MICU2: variants seen among roughly 807,000 people sequenced by gnomAD.
The protein encoded by MICU2 is mitochondrial calcium uptake 2, also known as calcium uptake protein 2, mitochondrial.
A neutral mutation model predicts 60.4 loss-of-function variants in MICU2; 64 were observed. That is an observed-to-expected ratio of 1.06 (90% confidence interval 0.87 to 1.31). The LOEUF (loss-of-function observed/expected upper bound fraction) is 1.31. Ranked by LOEUF, MICU2 falls within the 50% of genes most tolerant of loss-of-function variation. The pLI, the probability that MICU2 is intolerant of heterozygous loss-of-function variation, is 0.00. For synonymous variants in MICU2, 201 were observed against 175.0 expected (o/e 1.15, Z -1.17); for missense variants, 569 against 531.0 (o/e 1.07, Z -0.70).
chr13:21,512,445 ATTTTTT>A (rs139822285), intron 7 of MICU2, among the ~76,000 whole-genome samples: 41 of 125,240 alleles, frequency 3.3e-4, no homozygotes, highest in Non-Finnish European at 5.5e-4. Flanking sequence ...CAAATTTTTA[ATTTTTT>A]TTTTTTTTTT....
intron 2 of MICU2, among the ~76,000 whole-genome samples, chr13:21,563,470 T>C (rs181904423): frequency 6.8e-6 from 1 of 146,242 alleles, no homozygotes; most frequent in Non-Finnish European, 1.5e-5. Context: ...AAAAAAAAAA[T>C]TCTGCAGTTT....
At chr13:21,534,910 A>T (rs1887095932) in intron 4 of MICU2, among the ~76,000 whole-genome samples, 1 of 152,180 alleles carries the variant, frequency 6.6e-6, no homozygotes, top group African/African-American at 2.4e-5. Context: ...GGTAGCTGAG[A>T]AGTGGAAGCT....
chr13:21,575,490 A>C (rs750759350), intron 1 of MICU2, among the ~76,000 whole-genome samples: 1 of 151,814 alleles, frequency 6.6e-6, no homozygotes, highest in Non-Finnish European at 1.5e-5. Flanking sequence ...TGGGAGGCCA[A>C]AGTGGGAGGA....
chr13:21,526,855 G>A (rs1886869921), intron 4 of MICU2, among the ~76,000 whole-genome samples: 1 of 152,042 alleles, frequency 6.6e-6, no homozygotes, highest in South Asian at 2.1e-4. Flanking sequence ...AGAATAAAGA[G>A]CTGCAGAGGG....
intron 6 of MICU2, chr13:21,515,649 G>A: frequency 1.1e-5 from 4 of 354,180 alleles, no homozygotes; most frequent in Non-Finnish European, 1.7e-5. Flanking sequence ...AAATCAATTA[G>A]GAGACAAACC....
In MICU2 at chr13:21,604,089, C is replaced by T; in HGVS notation, c.60G>A (p.Arg20=). 3 of 1,595,492 alleles carry T rather than the reference C, an allele frequency of 1.9e-6. No homozygotes were observed. In the South Asian group the frequency reaches 3.4e-5, roughly 18 times the overall value. The part of the protein sequence containing the change: ...RVAAWGGKLR[R]GLAVSRQAVR... ...CAGCCTGTCGGCTGACAGCGAGCCC[C>T]CGTCGCAGTTTTCCGCCCCAGGCCG... The change falls in exon 1 of 12, where the codon CGG becomes CGA. Residue 20 remains arginine (R), a synonymous_variant. Transcript: ENST00000382374.
At chr13:21,594,689 T>A (rs1555277438) in intron 1 of MICU2, among the ~76,000 whole-genome samples, 1 of 152,188 alleles carries the variant, frequency 6.6e-6, no homozygotes, top group Non-Finnish European at 1.5e-5. Flanking sequence ...CATACAATAC[T>A]ATGCAGCCAT....
intron 1 of MICU2, among the ~76,000 whole-genome samples, chr13:21,592,784 A>C (rs1888611255): frequency 6.6e-6 from 1 of 152,258 alleles, no homozygotes; most frequent in African/African-American, 2.4e-5. Flanking sequence ...ATCTCAATAG[A>C]TACAGAAAAG....
rs1887220397 is a variant in MICU2, at chr13:21,539,377, C to CA, written c.391-1_391insT (p.Asp131Ter). On this transcript the variant is annotated frameshift_variant and splice_region_variant. Transcript: ENST00000382374. LOFTEE classifies it high-confidence loss of function. ...ATCCCTGACAGTGTATCCTCGATGT[C>CA]CTTTGAATACACATATTAAAATTAA... The CA allele has an allele frequency of 1.9e-6, 3 of 1,612,006 alleles. No homozygotes were observed. The highest frequency in any genetic ancestry group is 2.5e-6 in the Non-Finnish European group (3 of 1,179,228).
At position 21,603,985 on chromosome 13, in the gene MICU2, C is replaced by T. The variant is rs147484231; in HGVS notation, c.164G>A (p.Arg55His). The T allele has an allele frequency of 9.9e-6, 16 of 1,612,042 alleles. No individual in the cohort carries two copies. In the South Asian group the frequency reaches 1.1e-4, roughly 11 times the overall value. Reference sequence around the variant, plus strand: ...GCCATCCCGCGCCGCAACACTGACGCGGCTGTGGTGCCAGGCCGCTCCTGC... The same window carrying T: ...GCCATCCCGCGCCGCAACACTGACGTGGCTGTGGTGCCAGGCCGCTCCTGC... Reference protein sequence around the residue: ...AGAGAAWHHSRVSVAARDGSF... With the variant: ...AGAGAAWHHSHVSVAARDGSF... Residue 55 changes from arginine to histidine, a missense_variant, in exon 1 of 12, where the codon CGC (arginine) becomes CAC (histidine). Transcript: ENST00000382374.
At position 21,493,327 on chromosome 13, in the gene MICU2, T is replaced by G. The variant is rs141845360; in HGVS notation, c.1227A>C (p.Glu409Asp). The change falls in exon 12 of 12, where the codon GAA (glutamate) becomes GAC (aspartate). Residue 409 changes from glutamate to aspartate, a missense_variant. Transcript: ENST00000382374. ...TTTCTTTCTTCACACACTTCCAGTA[T>G]TCTTGTATACTCTGATGTTGTGGTA... ...LWVPQHQSIQ[E>D]YWKCVKKESI... 449 of 1,610,024 alleles carry G rather than the reference T, an allele frequency of 2.8e-4. 1 individual carries two copies. Among genetic ancestry groups the G allele is most frequent in the Middle Eastern group, 1.2e-3 (7 of 6,064 alleles).
At position 21,514,327 on chromosome 13, in the gene MICU2, A is replaced by G. The variant is rs1566143413; in HGVS notation, c.663+26T>C. On this transcript the variant is annotated intron_variant, in intron 7 of 11. Transcript: ENST00000382374. ...AATAGAGTAGCTATTATAAATATCA[A>G]TTGTTTGGAAATCATCTGTACATAC... 1.9e-6 allele frequency: 3 copies of G among 1,557,696 alleles called. No individual in the cohort carries two copies. In the East Asian group the frequency reaches 6.7e-5, roughly 35 times the overall value.
intron 1 of MICU2, among the ~76,000 whole-genome samples, chr13:21,591,756 C>T (rs374701793): frequency 6.6e-6 from 1 of 152,132 alleles, no homozygotes; most frequent in Non-Finnish European, 1.5e-5. Flanking sequence ...AATTGAACAA[C>T]CTGCTCCTGA....
At position 21,558,738 on chromosome 13, in the gene MICU2, A is replaced by C. The variant is rs75804226; in HGVS notation, c.358+8059T>G. Among the ~76,000 whole-genome samples the C allele has an allele frequency of 2.4e-3, 363 of 152,162 alleles. 11 individuals carry two copies. In the East Asian group the frequency reaches 0.059, roughly 25 times the overall value. On this transcript the variant is annotated intron_variant, in intron 2 of 11. Coordinates refer to ENST00000382374, the MANE Select transcript of MICU2 (RefSeq NM_152726.3). ...TCTCTCAGTGTGGAACCTGTCTTAC[A>C]AGTTGAGACAAGAGCAATCAGGGTC...
At chr13:21,583,502 G>A (rs1321780864) in intron 1 of MICU2, among the ~76,000 whole-genome samples, 5 of 152,158 alleles carry the variant, frequency 3.3e-5, no homozygotes, top group African/African-American at 1.2e-4. Flanking sequence ...GGAAATACTA[G>A]GACAGACAAG....
At chr13:21,603,054 C>T (rs1272573573) in intron 1 of MICU2, among the ~76,000 whole-genome samples, 2 of 151,674 alleles carry the variant, frequency 1.3e-5, no homozygotes, top group Non-Finnish European at 2.9e-5. Flanking sequence ...CTGCAACCTC[C>T]GCCTCCCGGA....
At chr13:21,565,530 T>A (rs951546835) in intron 2 of MICU2, among the ~76,000 whole-genome samples, 8 of 152,220 alleles carry the variant, frequency 5.3e-5, no homozygotes, top group South Asian at 2.1e-4. Context: ...TGGTGGCACG[T>A]GCCTGTAATC....
At chr13:21,572,138 A>G (rs901400742) in intron 1 of MICU2, among the ~76,000 whole-genome samples, 2 of 152,272 alleles carry the variant, frequency 1.3e-5, no homozygotes, top group East Asian at 3.8e-4. Flanking sequence ...GGTAGAAGGG[A>G]GATCTAACAG....
intron 5 of MICU2, among the ~76,000 whole-genome samples, chr13:21,521,574 C>T (rs1031145498): frequency 3.9e-5 from 6 of 152,168 alleles, no homozygotes; most frequent in Non-Finnish European, 8.8e-5. Flanking sequence ...CCTTTCAATG[C>T]AAAATTAGTT....
Sources: gnomAD v4.1 joint callset for allele counts (sites outside exome capture counted in the v4.1 genomes callset) on GRCh38, gnomAD v4.1.1 for gene constraint, MANE v1.5 for transcripts, NCBI Gene and HGNC (gene_info 2026-07-23, HGNC 2026-07-21) for gene names.